Variants in PTPRB observed in about 807,000 individuals in gnomAD.
The protein encoded by PTPRB is receptor-type tyrosine-protein phosphatase beta.
PTPRB carries 97 observed loss-of-function variants against 238.1 expected under a neutral mutation model. That is an observed-to-expected ratio of 0.41 (90% CI 0.35 to 0.48). The LOEUF is 0.48. PTPRB is among the 20% of genes least tolerant of loss of function. The pLI is 0.30. For missense variants in PTPRB, 2,292 were observed against 2,681.9 expected (o/e 0.85, Z 3.21); for synonymous variants, 970 against 995.4 (o/e 0.97, Z 0.48).
chr12:70,631,016 T>C (rs1204702582), intron 2 of PTPRB, among the ~76,000 whole-genome samples: 1 of 152,178 alleles, frequency 6.6e-6, no homozygotes, highest in Non-Finnish European at 1.5e-5. Context: ...AGGTAATTTA[T>C]AGATTCAATG....
intron 8 of PTPRB, 51 bp from the exon 9 acceptor site, chr12:70,587,318 T>C: frequency 6.3e-7 from 1 of 1,578,158 alleles, no homozygotes; most frequent in Middle Eastern, 1.7e-4. Context: ...GGCATATTCA[T>C]AGGGTATACT....
At chr12:70,531,999 G>A in intron 32 of PTPRB, 36 bp downstream of exon 32, 1 of 1,613,274 alleles carries the variant, frequency 6.2e-7, no homozygotes, top group Non-Finnish European at 8.5e-7. Context: ...CAGTGGGGAG[G>A]AGGGTGGCCT....
intron 2 of PTPRB, among the ~76,000 whole-genome samples, chr12:70,634,966 T>C (rs537432882): frequency 2.6e-5 from 4 of 152,342 alleles, no homozygotes; most frequent in Non-Finnish European, 4.4e-5. Context: ...AAACTGCCTA[T>C]ATATTCCACA....
rs532671052 is a variant in PTPRB at position 70,616,318 on chromosome 12, A to T, written c.708+6072T>A. Among the ~76,000 whole-genome samples the T allele has an allele frequency of 3.9e-4, 60 of 152,280 alleles. 1 individual carries two copies. Among genetic ancestry groups the T allele is most frequent in the African/African-American group, 1.3e-3 (56 of 41,560 alleles). ...ATTCTGACATTGGCCTTTTCGAATG[A>T]TACAGGTTGGTTATTTCCATAGCAT... On this transcript the variant is annotated intron_variant, in intron 3 of 33. Coordinates refer to ENST00000334414, the MANE Select transcript of PTPRB (RefSeq NM_001109754.4).
At chr12:70,569,407 T>C (rs573266206) in intron 14 of PTPRB, among the ~76,000 whole-genome samples, 75 of 152,342 alleles carry the variant, frequency 4.9e-4, no homozygotes, top group African/African-American at 1.5e-3. Context: ...CCCAGCCTGC[T>C]TGTTAAAATT....
At chr12:70,595,317 A>G (rs901156388) in intron 5 of PTPRB, among the ~76,000 whole-genome samples, 3 of 152,124 alleles carry the variant, frequency 2.0e-5, no homozygotes, top group African/African-American at 7.2e-5. Context: ...GGGGATAAGG[A>G]AGGGATAGCA....
intron 3 of PTPRB, among the ~76,000 whole-genome samples, chr12:70,610,465 C>T (rs1176377192): frequency 1.4e-5 from 2 of 145,872 alleles, no homozygotes; most frequent in African/African-American, 5.0e-5. Flanking sequence ...CATCTGCTTT[C>T]TCCAGGACCA....
chr12:70,604,729 G>A (rs12423781), intron 4 of PTPRB, among the ~76,000 whole-genome samples: 32,833 of 152,048 alleles, frequency 0.22, 3,669 homozygotes, highest in South Asian at 0.29. Context: ...TTAAAATGGG[G>A]CCATTAGAGC....
At chr12:70,547,884 T>C (rs1876255917) in intron 21 of PTPRB, among the ~76,000 whole-genome samples, 1 of 152,194 alleles carries the variant, frequency 6.6e-6, no homozygotes, top group Admixed American at 6.5e-5. Flanking sequence ...ATTATATTAC[T>C]TCAGAGGTTT....
At position 70,598,439 on chromosome 12, in the gene PTPRB, T is replaced by C. The variant is rs190521278; in HGVS notation, c.980-2112A>G. Among the ~76,000 whole-genome samples, 787 of 152,348 alleles carry C rather than the reference T, an allele frequency of 5.2e-3. 10 individuals carry two copies. Among genetic ancestry groups the C allele is most frequent in the African/African-American group, 0.018 (751 of 41,578 alleles). ...ATGTAATGGCAGACAGCATGGGCTT[T>C]GGAGTCAGAATTAAATTTAAATCTC... On this transcript the variant is annotated intron_variant, in intron 4 of 33. Transcript: ENST00000334414.
chr12:70,533,970 A>G (rs1380117419), intron 31 of PTPRB, among the ~76,000 whole-genome samples: 1 of 152,236 alleles, frequency 6.6e-6, no homozygotes, highest in Non-Finnish European at 1.5e-5. Flanking sequence ...TTAGCAGCAC[A>G]AATAGACAAA....
intron 21 of PTPRB, among the ~76,000 whole-genome samples, chr12:70,548,004 T>C (rs1325603586): frequency 3.9e-5 from 6 of 151,914 alleles, no homozygotes; most frequent in African/African-American, 1.5e-4. Context: ...TCTTTTCTTA[T>C]TTCCTCATGG....
intron 3 of PTPRB, among the ~76,000 whole-genome samples, chr12:70,610,431 C>T (rs898126718): frequency 6.6e-6 from 1 of 151,276 alleles, no homozygotes; most frequent in African/African-American, 2.4e-5. Context: ...GTCTCCCCCT[C>T]CCTATCTTCC....
At position 70,590,969 on chromosome 12, in the gene PTPRB, G is replaced by T. The variant is rs190158736; in HGVS notation, c.1781-736C>A. Among the ~76,000 whole-genome samples, 729 of 134,988 alleles carry T rather than the reference G, an allele frequency of 5.4e-3. 6 individuals carry two copies. Among genetic ancestry groups the T allele is most frequent in the African/African-American group, 0.017 (615 of 36,042 alleles). The allele number at this position is 134,988 out of a possible 152,430, so 88.6% of individuals were successfully genotyped here. A position where few individuals can be genotyped will look rare whatever the true frequency, so the allele number is the denominator to read the frequency against. On this transcript the variant is annotated intron_variant, in intron 7 of 33. Transcript: ENST00000334414. ...TTTTTTTTTTTTTTTTTTGAGACAG[G>T]GTCACACTCTATTGCTAGGCTGGAG...
At chr12:70,551,220 T>C (rs1016422805) in intron 21 of PTPRB, among the ~76,000 whole-genome samples, 4 of 152,222 alleles carry the variant, frequency 2.6e-5, no homozygotes, top group African/African-American at 9.6e-5. Flanking sequence ...TTACAGGAAC[T>C]GATAAATCCT....
rs575395914 is a variant in PTPRB, at chr12:70,614,574, A to C, written c.709-5235T>G. Among the ~76,000 whole-genome samples the C allele has an allele frequency of 1.6e-4, 25 of 152,298 alleles. No homozygotes were observed. In the South Asian group the frequency reaches 5.0e-3, roughly 30 times the overall value. On this transcript the variant is annotated intron_variant, in intron 3 of 33. Coordinates refer to ENST00000334414, the MANE Select transcript of PTPRB (RefSeq NM_001109754.4). ...AAAAACAAAAACAAACAAACAAAAA[A>C]AATTAACTGTGAATACTTAAGCAAA...
At chr12:70,526,782 TATTAC>T (rs771198539) in intron 32 of PTPRB, among the ~76,000 whole-genome samples, 2 of 152,232 alleles carry the variant, frequency 1.3e-5, no homozygotes, top group Admixed American at 6.5e-5. Context: ...TCTACTGGGA[TATTAC>T]ATTACTTTGG....
chr12:70,611,614 T>C (rs1884454024), intron 3 of PTPRB, among the ~76,000 whole-genome samples: 2 of 152,222 alleles, frequency 1.3e-5, no homozygotes, highest in African/African-American at 2.4e-5. Context: ...TCAATTCTTT[T>C]AGAAAACATG....
At chr12:70,527,839 C>T (rs1011661368) in intron 32 of PTPRB, 1 of 152,148 alleles carries the variant, frequency 6.6e-6, no homozygotes. Context: ...GGGGCTCAGC[C>T]ACAGATCACA....
Sources: gnomAD v4.1 joint callset for allele counts (sites outside exome capture counted in the v4.1 genomes callset) on GRCh38, gnomAD v4.1.1 for gene constraint, MANE v1.5 for transcripts, NCBI Gene and HGNC (gene_info 2026-07-23, HGNC 2026-07-21) for gene names.